TTBK2: variants seen among roughly 807,000 people sequenced by gnomAD.
TTBK2 encodes tau-tubulin kinase 2.
In TTBK2, 28 loss-of-function variants were observed where a neutral mutation model predicts 110.8. That is an observed-to-expected ratio of 0.25 (90% CI 0.19 to 0.35). The LOEUF is 0.35. Ranked by LOEUF, TTBK2 falls within the 10% of genes least tolerant of loss-of-function variation. TTBK2 has a pLI of 1.00. For synonymous variants in TTBK2, 532 were observed against 527.3 expected (o/e 1.01, Z -0.12); for missense variants, 1,369 against 1,500.3 (o/e 0.91, Z 1.45).
intron 3 of TTBK2, among the ~76,000 whole-genome samples, chr15:42,869,185 T>C (rs1417556361): frequency 2.0e-5 from 3 of 152,078 alleles, no homozygotes; most frequent in African/African-American, 7.2e-5. Context: ...CCTTCTGGGC[T>C]CAAGCGATTC....
chr15:42,775,518 T>C lies in TTBK2; in HGVS notation c.1615A>G (p.Asn539Asp), dbSNP rs1456427939. The change falls in exon 13 of 15, where the codon AAC (asparagine) becomes GAC (aspartate). Residue 539 changes from asparagine (N) to aspartate (D), a missense_variant. Physicochemically the swap from Asn to Asp is conservative, Grantham distance 23 (BLOSUM62 1). Around this residue, in one of 4 missense-constraint regions of TTBK2, gnomAD observed 1,097 missense variants for 1,114.7 expected, o/e 0.98. Transcript: ENST00000267890. ...ATTTCTTGCTTGCAAGAGCTCAGGT[T>C]AACAGCTATAAATCCATTGCTGCCA... ...GGGSNGFIAVNLSSCKQEIDS... is the reference protein window; with the variant it reads ...GGGSNGFIAVDLSSCKQEIDS... 2.5e-6 allele frequency: 4 copies of C among 1,614,068 alleles called. No homozygotes were observed. Among genetic ancestry groups the C allele is most frequent in the Non-Finnish European group, 3.4e-6 (4 of 1,180,042 alleles).
chr15:42,791,135 T>C (rs184929868), intron 10 of TTBK2, among the ~76,000 whole-genome samples: 88 of 152,204 alleles, frequency 5.8e-4, no homozygotes, highest in Admixed American at 3.9e-3. Flanking sequence ...CCGCCCGCCT[T>C]GGCCTCCCAA....
At chr15:42,748,514 C>T (rs2061825025) in intron 14 of TTBK2, among the ~76,000 whole-genome samples, 1 of 151,908 alleles carries the variant, frequency 6.6e-6, no homozygotes, top group Admixed American at 6.6e-5. Flanking sequence ...CAGACAACAA[C>T]TCATAGAAGG....
At chr15:42,782,747 T>C (rs1156492745) in intron 11 of TTBK2, among the ~76,000 whole-genome samples, 2 of 152,230 alleles carry the variant, frequency 1.3e-5, no homozygotes, top group African/African-American at 4.8e-5. Context: ...CCATTCAAAT[T>C]TCACTGAGAT....
In TTBK2 at chr15:42,817,083, T is replaced by C. The variant is rs752287861; in HGVS notation, c.552A>G (p.Ala184=). The change falls in exon 7 of 15, where the codon GCA becomes GCG. Residue 184 remains alanine (A), a synonymous_variant. Transcript: ENST00000267890. The part of the protein sequence containing the change: ...CGDVRPPRAV[A]GFRGTVRYAS... The stretch of plus-strand genomic sequence containing the variant: ...CATAACGAACTGTCCCTCGAAAACC[T>C]GCCACAGCTCGAGGCTACAACGAAG... 1.9e-6 allele frequency: 3 copies of C among 1,607,866 alleles called. No homozygotes were observed. The African/African-American group carries it at 4.0e-5, about 22-fold the overall frequency.
chr15:42,878,139 A>T (rs1054096912), intron 2 of TTBK2, among the ~76,000 whole-genome samples: 92 of 148,306 alleles, frequency 6.2e-4, no homozygotes, highest in African/African-American at 2.3e-3. Context: ...ACGCCCAGCT[A>T]ATTTTTTTTG....
intron 1 of TTBK2, among the ~76,000 whole-genome samples, chr15:42,904,042 C>A (rs2141196514): frequency 6.6e-6 from 1 of 152,272 alleles, no homozygotes; most frequent in Middle Eastern, 3.4e-3. Context: ...TGCCAACAAT[C>A]ATCAGAATGA....
Position 42,752,828 on chromosome 15 carries a change from T to C in TTBK2, c.2418A>G (p.Pro806=), listed in dbSNP as rs185441376. The C allele has an allele frequency of 1.3e-4, 215 of 1,614,200 alleles. No individual in the cohort carries two copies. In the East Asian group the frequency reaches 3.9e-3, roughly 30 times the overall value. ...GQHCIEISSL[P]GDLVIVEKDH... ...CCTTTTCCACAATTACCAAATCTCC[T>C]GGGAGAGAGGAGATCTCAATACAAT... The change falls in exon 14 of 15, where the codon CCA becomes CCG. Residue 806 remains proline (P), a synonymous_variant. Transcript: ENST00000267890.
intron 1 of TTBK2, among the ~76,000 whole-genome samples, chr15:42,896,085 G>GGAGGCC (rs1182296148): frequency 4.6e-5 from 7 of 152,080 alleles, no homozygotes; most frequent in African/African-American, 7.2e-5. Flanking sequence ...CAACACTTTG[G>GGAGGCC]GAGGCCGAGG....
intron 6 of TTBK2, among the ~76,000 whole-genome samples, chr15:42,818,645 G>A (rs1345515513): frequency 6.6e-6 from 1 of 152,032 alleles, no homozygotes; most frequent in Non-Finnish European, 1.5e-5. Flanking sequence ...GCGTGAACCC[G>A]GGAGGCGGAG....
At chr15:42,833,883 T>C (rs1040613667) in intron 4 of TTBK2, among the ~76,000 whole-genome samples, 1 of 151,972 alleles carries the variant, frequency 6.6e-6, no homozygotes, top group Admixed American at 6.6e-5. Context: ...TGGCAGCGCG[T>C]GCCTGTAGTC....
Position 42,752,594 on chromosome 15 carries a change from G to A in TTBK2, c.2652C>T (p.Ile884=), listed in dbSNP as rs2061881401. 1 of 1,614,156 alleles carries A rather than the reference G, an allele frequency of 6.2e-7. No individual in the cohort carries two copies. The highest frequency in any genetic ancestry group is 8.5e-7 in the Non-Finnish European group (1 of 1,180,042). ...GATGACCTGGCAAGTCTTCACTCAT[G>A]ATGTCATCATCCTTAGATATCTTAT... ...QKNKISKDDD[I]MSEDLPGHQG... Residue 884 remains isoleucine, a synonymous_variant, in exon 14 of 15, where the codon ATC becomes ATT. Coordinates refer to ENST00000267890, the MANE Select transcript of TTBK2 (RefSeq NM_173500.4).
intron 3 of TTBK2, among the ~76,000 whole-genome samples, chr15:42,847,978 G>A (rs1189880431): frequency 1.3e-5 from 2 of 152,070 alleles, no homozygotes; most frequent in Non-Finnish European, 2.9e-5. Context: ...CCCGAGCAGC[G>A]GGGGACTACA....
Position 42,746,039 on chromosome 15 carries a change from G to C in TTBK2, c.3491C>G (p.Ser1164Cys). The C allele has an allele frequency of 6.2e-7, 1 of 1,614,174 alleles. No individual in the cohort carries two copies. The highest frequency in any genetic ancestry group is 8.5e-7 in the Non-Finnish European group (1 of 1,180,036). The change falls in exon 15 of 15, where the codon TCT (serine) becomes TGT (cysteine). Residue 1164 changes from serine to cysteine, a missense_variant. Around this residue, in one of 4 missense-constraint regions of TTBK2, gnomAD observed 1,097 missense variants for 1,114.7 expected, o/e 0.98. Transcript: ENST00000267890. ...SPRSSSLPRT[S>C]SSSPSRAGRP... Reference sequence around the variant, plus strand: ...TCCAGCCCTAGATGGTGAGGAACTAGACGTGCGAGGCAAGGATGAGCTTCG... The same window carrying C: ...TCCAGCCCTAGATGGTGAGGAACTACACGTGCGAGGCAAGGATGAGCTTCG...
At chr15:42,749,096 T>G (rs1468938344) in intron 14 of TTBK2, among the ~76,000 whole-genome samples, 4 of 152,250 alleles carry the variant, frequency 2.6e-5, no homozygotes, top group African/African-American at 9.6e-5. Flanking sequence ...TAATCTTTAT[T>G]ACATGCTAAG....
At chr15:42,837,315 G>A (rs1311225739) in intron 4 of TTBK2, among the ~76,000 whole-genome samples, 2 of 145,820 alleles carry the variant, frequency 1.4e-5, no homozygotes, top group Non-Finnish European at 3.0e-5. Context: ...CTGAGATCAC[G>A]CCACTGCACT....
intron 9 of TTBK2, among the ~76,000 whole-genome samples, chr15:42,807,504 A>G (rs1213047623): frequency 6.6e-6 from 1 of 151,932 alleles, no homozygotes; most frequent in Admixed American, 6.6e-5. Context: ...GCCTTGATTC[A>G]CTCAAGTAAC....
chr15:42,767,740 G>A (rs762318579), intron 13 of TTBK2, among the ~76,000 whole-genome samples: 1 of 152,128 alleles, frequency 6.6e-6, no homozygotes, highest in Non-Finnish European at 1.5e-5. Flanking sequence ...GAAAAAGAGG[G>A]CACCCTCCCT....
chr15:42,894,033 G>T (rs1895573158), intron 1 of TTBK2, among the ~76,000 whole-genome samples: 2 of 152,216 alleles, frequency 1.3e-5, no homozygotes, highest in Non-Finnish European at 2.9e-5. Flanking sequence ...GAGGGATCTA[G>T]TGGGAGGTAA....
Sources: allele counts gnomAD v4.1 joint callset (sites outside exome capture counted in the v4.1 genomes callset), GRCh38; gene constraint gnomAD v4.1.1; regional missense constraint gnomAD v4.1.1; transcripts MANE v1.5; gene names NCBI Gene and HGNC (gene_info 2026-07-23, HGNC 2026-07-21).